Variants in RAB28 observed in about 807,000 individuals in gnomAD.
RAB28 encodes RAB28, member RAS oncogene family, also known as ras-related protein Rab-28.
RAB28 carries 24 observed loss-of-function variants against 31.7 expected under a neutral mutation model. The observed-to-expected ratio is 0.76, with a 90% CI of 0.55 to 1.06. The LOEUF is 1.06. RAB28 is among the 50% of genes least tolerant of loss of function. The probability of loss-of-function intolerance (pLI) is 0.00; values close to 1 mark genes in which losing one functional copy is unlikely to be tolerated. For synonymous variants in RAB28, 100 were observed against 90.4 expected (o/e 1.11, Z -0.60); for missense variants, 254 against 258.5 (o/e 0.98, Z 0.12).
chr4:13,367,908 T>C lies in RAB28; in HGVS notation c.*650A>G, dbSNP rs1052549336. 18 of 983,034 alleles carry C rather than the reference T, an allele frequency of 1.8e-5. No homozygotes were observed. The highest frequency in any genetic ancestry group is 1.2e-4 in the Admixed American group (2 of 16,238). 60.9% of individuals were successfully genotyped at this position (983,034 alleles called of 1,614,324 possible). On this transcript the variant is annotated 3_prime_UTR_variant, in exon 7 of 7. Transcript: ENST00000330852. ...TCAAACCTGAGTATTACACAATACA[T>C]AACGACAACGATACAGTAATAAAAA...
At chr4:13,437,332 A>G (rs548118238) in intron 4 of RAB28, among the ~76,000 whole-genome samples, 14 of 152,310 alleles carry the variant, frequency 9.2e-5, no homozygotes, top group African/African-American at 2.9e-4. Context: ...GACCTCAAAA[A>G]GCAAGTGCAA....
chr4:13,444,880 T>C (rs1714616427), intron 4 of RAB28, among the ~76,000 whole-genome samples: 1 of 151,532 alleles, frequency 6.6e-6, no homozygotes, highest in African/African-American at 2.4e-5. Flanking sequence ...TCTTGTGGAG[T>C]ATCTTGGTGG....
intron 4 of RAB28, among the ~76,000 whole-genome samples, chr4:13,453,019 T>C (rs1353325956): frequency 6.6e-6 from 1 of 152,188 alleles, no homozygotes; most frequent in African/African-American, 2.4e-5. Flanking sequence ...TATTATTATA[T>C]GATGTCCTCC....
intron 4 of RAB28, among the ~76,000 whole-genome samples, chr4:13,394,869 C>T (rs1729802710): frequency 6.6e-6 from 1 of 152,148 alleles, no homozygotes; most frequent in South Asian, 2.1e-4. Flanking sequence ...CTTTAAGAGA[C>T]TTTTGAAACA....
At chr4:13,424,494 C>A (rs570645055) in intron 4 of RAB28, among the ~76,000 whole-genome samples, 1 of 152,288 alleles carries the variant, frequency 6.6e-6, no homozygotes, top group South Asian at 2.1e-4. Flanking sequence ...AATATTACCT[C>A]ATCTTAACTT....
intron 4 of RAB28, among the ~76,000 whole-genome samples, chr4:13,449,259 CAT>C (rs888897025): frequency 2.0e-5 from 3 of 151,984 alleles, no homozygotes; most frequent in East Asian, 1.9e-4. Flanking sequence ...AATAGTTTCA[CAT>C]GTCTATTTTA....
chr4:13,388,984 G>C (rs1341113125), intron 4 of RAB28, among the ~76,000 whole-genome samples: 1 of 152,066 alleles, frequency 6.6e-6, no homozygotes, highest in East Asian at 1.9e-4. Context: ...GGGTCTTGAA[G>C]AGATATTTGC....
chr4:13,482,728 T>C (rs1716668033), intron 1 of RAB28, among the ~76,000 whole-genome samples: 1 of 152,190 alleles, frequency 6.6e-6, no homozygotes, highest in Non-Finnish European at 1.5e-5. Context: ...CAGAGCATAT[T>C]GTTTTCCTCA....
intron 4 of RAB28, among the ~76,000 whole-genome samples, chr4:13,396,003 C>T (rs935679043): frequency 6.6e-6 from 1 of 151,848 alleles, no homozygotes; most frequent in Non-Finnish European, 1.5e-5. Context: ...TTAATGTCTA[C>T]TTGCTGTCGA....
intron 4 of RAB28, 127 bp downstream of exon 4, chr4:13,460,572 C>CTCCAGACACCA (rs1388939614): frequency 3.3e-6 from 4 of 1,226,028 alleles, no homozygotes; most frequent in Non-Finnish European, 3.5e-6. Flanking sequence ...AAAACCCCAC[C>CTCCAGACACCA]TCCAGACACC....
At chr4:13,377,362 C>T (rs1174428265) in intron 5 of RAB28, among the ~76,000 whole-genome samples, 1 of 152,136 alleles carries the variant, frequency 6.6e-6, no homozygotes, top group Non-Finnish European at 1.5e-5. Flanking sequence ...TCATCACATG[C>T]TTATAGAATA....
At chr4:13,471,768 A>C (rs1220222737) in intron 3 of RAB28, among the ~76,000 whole-genome samples, 2 of 152,060 alleles carry the variant, frequency 1.3e-5, no homozygotes, top group African/African-American at 4.8e-5. Context: ...GTACTAAATT[A>C]TTGTTTAATA....
At chr4:13,375,788 C>G (rs908059825) in intron 6 of RAB28, among the ~76,000 whole-genome samples, 4 of 149,338 alleles carry the variant, frequency 2.7e-5, no homozygotes, top group Admixed American at 6.6e-5. Context: ...CACACACACA[C>G]ACACACAGAG....
intron 4 of RAB28, among the ~76,000 whole-genome samples, chr4:13,454,436 T>C (rs1715179430): frequency 6.6e-6 from 1 of 152,190 alleles, no homozygotes; most frequent in Non-Finnish European, 1.5e-5. Context: ...TTGATTTCTA[T>C]GCATCTGGTA....
At chr4:13,388,051 GA>G (rs1729454180) in intron 4 of RAB28, among the ~76,000 whole-genome samples, 3 of 148,972 alleles carry the variant, frequency 2.0e-5, no homozygotes, top group African/African-American at 7.3e-5. Context: ...TATTTTGTAA[GA>G]TCTTTTAACA....
intron 6 of RAB28, chr4:13,370,180 C>G (rs932580811): frequency 2.0e-6 from 2 of 980,266 alleles, no homozygotes; most frequent in Admixed American, 6.2e-5. Context: ...GGAACAAAGA[C>G]CCAAGAAACA....
intron 6 of RAB28, chr4:13,371,305 C>A: frequency 1.3e-5 from 13 of 985,180 alleles, no homozygotes; most frequent in Non-Finnish European, 1.4e-5. Context: ...TCGGGGGGTA[C>A]ATCAGTGAAA....
intron 4 of RAB28, among the ~76,000 whole-genome samples, chr4:13,436,655 T>G (rs1714128456): frequency 6.6e-6 from 1 of 151,954 alleles, no homozygotes; most frequent in South Asian, 2.1e-4. Flanking sequence ...ACAAAGTAGG[T>G]GAAAGATCTC....
chr4:13,446,452 C>T (rs1714703814), intron 4 of RAB28, among the ~76,000 whole-genome samples: 1 of 152,224 alleles, frequency 6.6e-6, no homozygotes, highest in Non-Finnish European at 1.5e-5. Flanking sequence ...CCTGTCCAAA[C>T]AGCCACCCAG....
Sources: gnomAD v4.1 joint callset for allele counts (sites outside exome capture counted in the v4.1 genomes callset) on GRCh38, gnomAD v4.1.1 for gene constraint, MANE v1.5 for transcripts, NCBI Gene and HGNC (gene_info 2026-07-23, HGNC 2026-07-21) for gene names.